The following TMEM132E variants were observed in gnomAD, a reference collection of about 807,000 sequenced individuals.
TMEM132E encodes transmembrane protein 132E.
A neutral mutation model predicts 78.5 loss-of-function variants in TMEM132E; 49 were observed. That is an observed-to-expected ratio of 0.62 (90% CI 0.50 to 0.79). The LOEUF (loss-of-function observed/expected upper bound fraction) is 0.79. Among genes scored for constraint, TMEM132E ranks in the 30% least tolerant of loss-of-function variants. The probability of loss-of-function intolerance (pLI) is 0.00; values close to 1 mark genes in which losing one functional copy is unlikely to be tolerated. For missense variants in TMEM132E, 1,403 were observed against 1,470.9 expected, an observed-to-expected ratio of 0.95 and a Z score of 0.75; for synonymous variants, 715 against 670.6, an observed-to-expected ratio of 1.07 and a Z score of -1.02.
chr17:34,626,069 G>A, intron 1 of TMEM132E, 58 bp from the exon 2 acceptor site: 3 of 1,413,214 alleles, frequency 2.1e-6, no homozygotes, highest in Non-Finnish European at 2.8e-6. Context: ...GGGCACCCTG[G>A]GGTCCCAGCG....
At chr17:34,601,526 G>C (rs955630946) in intron 1 of TMEM132E, among the ~76,000 whole-genome samples, 1 of 152,212 alleles carries the variant, frequency 6.6e-6, no homozygotes, top group Non-Finnish European at 1.5e-5. Flanking sequence ...CTCCAGAGAG[G>C]GGGCAATTCA....
intron 1 of TMEM132E, among the ~76,000 whole-genome samples, chr17:34,591,878 T>C (rs1471142874): frequency 6.6e-6 from 1 of 152,224 alleles, no homozygotes. Flanking sequence ...TCTCCTCCCC[T>C]GTCTGCACTG....
intron 1 of TMEM132E, among the ~76,000 whole-genome samples, chr17:34,616,813 A>G (rs574257869): frequency 6.8e-4 from 103 of 152,260 alleles, no homozygotes; most frequent in African/African-American, 2.4e-3. Context: ...CTCTGGCCCA[A>G]TGTGGTTTAC....
At chr17:34,607,646 G>C (rs1359080875) in intron 1 of TMEM132E, among the ~76,000 whole-genome samples, 2 of 152,168 alleles carry the variant, frequency 1.3e-5, no homozygotes. Context: ...CAAGTATTGA[G>C]TGCCCAGGTA....
At chr17:34,603,904 AG>A (rs943817627) in intron 1 of TMEM132E, among the ~76,000 whole-genome samples, 4 of 151,756 alleles carry the variant, frequency 2.6e-5, no homozygotes, top group African/African-American at 9.7e-5. Flanking sequence ...CTCCGCCACC[AG>A]GCCTGGTCCC....
At chr17:34,582,047 G>A (rs1311308640) in intron 1 of TMEM132E, among the ~76,000 whole-genome samples, 1 of 152,052 alleles carries the variant, frequency 6.6e-6, no homozygotes, top group Admixed American at 6.5e-5. Context: ...CGAGGTGGGA[G>A]GGAGAGAGCT....
At chr17:34,586,569 G>A (rs959612771) in intron 1 of TMEM132E, among the ~76,000 whole-genome samples, 2 of 152,140 alleles carry the variant, frequency 1.3e-5, no homozygotes, top group East Asian at 3.9e-4. Context: ...CATTAGAGTG[G>A]TCTCAGCACC....
chr17:34,591,307 A>AT (rs60612426), intron 1 of TMEM132E, among the ~76,000 whole-genome samples: 11,097 of 146,588 alleles, frequency 0.076, 532 homozygotes, highest in East Asian at 0.15. Context: ...CTCCCTCACT[A>AT]TTTTTTTTTT....
In TMEM132E at chr17:34,632,909, G is replaced by A; in HGVS notation, c.1688G>A (p.Arg563Lys). The A allele has an allele frequency of 6.2e-7, 1 of 1,614,108 alleles. No homozygotes were observed. The highest frequency in any genetic ancestry group is 8.5e-7 in the Non-Finnish European group (1 of 1,180,032). The change falls in exon 6 of 9, where the codon AGG (arginine) becomes AAG (lysine). Residue 563 changes from arginine (R) to lysine (K), a missense_variant and splice_region_variant. Arg to Lys is a conservative substitution (Grantham distance 26). Coordinates refer to ENST00000631683, the MANE Select transcript of TMEM132E (RefSeq NM_001304438.2). ...GWRVPILPDR[R>K]SVRESEDEDE... is the part of the protein sequence containing the mutation. ...AGGGTACCTATCCTCCCCGACCGGAGGTACAGCCCCTCTCCCATGGCGGAT... is the reference window on the plus strand; with the variant it reads ...AGGGTACCTATCCTCCCCGACCGGAAGTACAGCCCCTCTCCCATGGCGGAT...
chr17:34,637,202 C>T lies in TMEM132E; in HGVS notation c.2195C>T (p.Ser732Phe). Residue 732 changes from serine (S) to phenylalanine (F), a missense_variant, in exon 9 of 9, where the codon TCC becomes TTC. Transcript: ENST00000631683. Reference protein sequence around the residue: ...KQEALLSLWLSYSDGTTAPLS... With the variant: ...KQEALLSLWLFYSDGTTAPLS... The stretch of plus-strand genomic sequence containing the variant: ...GAAGCCCTACTGAGCCTCTGGCTCT[C>T]CTACAGTGATGGCACCACAGCCCCA... 1 of 1,609,568 alleles carries T rather than the reference C, an allele frequency of 6.2e-7. No homozygotes were observed. Among genetic ancestry groups the T allele is most frequent in the Non-Finnish European group, 8.5e-7 (1 of 1,176,630 alleles).
At chr17:34,592,304 C>T (rs1194550171) in intron 1 of TMEM132E, among the ~76,000 whole-genome samples, 2 of 152,150 alleles carry the variant, frequency 1.3e-5, no homozygotes, top group African/African-American at 4.8e-5. Context: ...GGCATTCCTG[C>T]GTCCAGCAGC....
At chr17:34,593,869 A>G (rs1905967746) in intron 1 of TMEM132E, among the ~76,000 whole-genome samples, 1 of 152,038 alleles carries the variant, frequency 6.6e-6, no homozygotes, top group South Asian at 2.1e-4. Context: ...TCCCGACACT[A>G]CTTCTTTGAC....
At chr17:34,582,622 GAAGTGGGAGCAT>G (rs2142045933) in intron 1 of TMEM132E, among the ~76,000 whole-genome samples, 1 of 152,176 alleles carries the variant, frequency 6.6e-6, no homozygotes, top group East Asian at 1.9e-4. Flanking sequence ...GAGGTGGGGC[GAAGTGGGAGCAT>G]AGCGGGGAAC....
chr17:34,607,735 CA>C (rs1906461669), intron 1 of TMEM132E, among the ~76,000 whole-genome samples: 1 of 151,594 alleles, frequency 6.6e-6, no homozygotes, highest in African/African-American at 2.4e-5. Context: ...TGCTATGGCT[CA>C]AAGAACTCAG....
At position 34,634,918 on chromosome 17, in the gene TMEM132E, C is replaced by T. The variant is rs542944906; in HGVS notation, c.1808C>T (p.Thr603Met). The T allele has an allele frequency of 1.1e-5, 17 of 1,614,064 alleles. No homozygotes were observed. The highest frequency in any genetic ancestry group is 3.3e-4 in the Middle Eastern group (2 of 6,084). Residue 603 changes from threonine (T) to methionine (M), a missense_variant, in exon 7 of 9, where the codon ACG becomes ATG. By Grantham distance (81) the Thr-to-Met change is moderately conservative. Transcript: ENST00000631683. ...ATLQVFTQFH[T>M]TSSEGTDQVV... is the part of the protein sequence containing the mutation. Reference sequence around the variant, plus strand: ...CTGCAGGTCTTCACCCAGTTCCACACGACATCATCCGAGGGCACTGACCAG... The same window carrying T: ...CTGCAGGTCTTCACCCAGTTCCACATGACATCATCCGAGGGCACTGACCAG...
intron 1 of TMEM132E, among the ~76,000 whole-genome samples, chr17:34,617,461 GCACTTCCCTCCTCTCAGAACTAAATAAC>G: frequency 6.6e-6 from 1 of 152,330 alleles, no homozygotes; most frequent in African/African-American, 2.4e-5. Flanking sequence ...AAACAGGTGA[GCACTTCCCTCCTCTCAGAACTAAATAAC>G]CAATAAATGT....
At chr17:34,634,726 AG>A (rs1907455072) in intron 6 of TMEM132E, 72 bp from the exon 7 acceptor site, 2 of 1,486,446 alleles carry the variant, frequency 1.3e-6, no homozygotes, top group South Asian at 2.7e-5. Flanking sequence ...CAACAGGGCA[AG>A]GGTGCGGGGT....
Position 34,580,879 on chromosome 17 carries a change from C to T in TMEM132E, c.-198C>T, listed in dbSNP as rs1056486304. 1 of 465,068 alleles carries T rather than the reference C, an allele frequency of 2.2e-6. No individual in the cohort carries two copies. Among genetic ancestry groups the T allele is most frequent in the Non-Finnish European group, 3.8e-6 (1 of 262,718 alleles). 28.8% of individuals were successfully genotyped at this position (465,068 alleles called of 1,614,324 possible). ...CCGCCCGGAGCTGCGCCCCCACCGG[C>T]TCCGAGGGTGTAGCCGCCAGCGCCT... On this transcript the variant is annotated 5_prime_UTR_variant, in exon 1 of 9. Transcript: ENST00000631683.
chr17:34,638,263 C>CT lies in TMEM132E; in HGVS notation c.*31_*32insT, dbSNP rs753954852. On this transcript the variant is annotated 3_prime_UTR_variant, in exon 9 of 9. Coordinates refer to ENST00000631683, the MANE Select transcript of TMEM132E (RefSeq NM_001304438.2). ...CCAGCCGGAGTAGCAGGGACCCCCCCCCCCAACGGGGTCAGCTCGGGGTAG... is the reference window on the plus strand; with the variant it reads ...CCAGCCGGAGTAGCAGGGACCCCCCCTCCCCAACGGGGTCAGCTCGGGGTAG... 2.7e-6 allele frequency: 4 copies of CT among 1,473,804 alleles called. No homozygotes were observed. The Admixed American group carries it at 7.4e-5, about 27-fold the overall frequency. 91.3% of individuals were successfully genotyped at this position (1,473,804 alleles called of 1,614,324 possible). A position where few individuals can be genotyped will look rare whatever the true frequency, so the allele number is the denominator to read the frequency against.
Sources: allele counts gnomAD v4.1 joint callset (sites outside exome capture counted in the v4.1 genomes callset), GRCh38; gene constraint gnomAD v4.1.1; transcripts MANE v1.5; gene names NCBI Gene and HGNC (gene_info 2026-07-23, HGNC 2026-07-21).